PRKCSH: variants seen among roughly 807,000 people sequenced by gnomAD.
PRKCSH encodes glucosidase 2 subunit beta.
Under a neutral mutation model 79.7 loss-of-function variants are expected in PRKCSH, and 42 were observed. The observed-to-expected ratio is 0.53, with a 90% confidence interval of 0.41 to 0.68. The LOEUF is 0.68. PRKCSH is among the 30% of genes least tolerant of loss of function. The pLI, the probability that PRKCSH is intolerant of heterozygous loss-of-function variation, is 0.00. For missense variants in PRKCSH, 686 were observed against 709.0 expected, an observed-to-expected ratio of 0.97 and a Z score of 0.37; for synonymous variants, 325 against 288.2, an observed-to-expected ratio of 1.13 and a Z score of -1.29.
intron 7 of PRKCSH, among the ~76,000 whole-genome samples, chr19:11,443,141 G>A (rs914139323): frequency 2.6e-5 from 4 of 152,144 alleles, no homozygotes; most frequent in Non-Finnish European, 4.4e-5. Context: ...GGCTGGGCAT[G>A]GTGGCTCACG....
Position 11,448,167 on chromosome 19 carries a change from C to T in PRKCSH, c.1127-55C>T, listed in dbSNP as rs1970410457. The T allele has an allele frequency of 4.6e-6, 7 of 1,513,672 alleles. No individual in the cohort carries two copies. Among genetic ancestry groups the T allele is most frequent in the African/African-American group, 1.4e-5 (1 of 72,324 alleles). The allele number at this position is 1,513,672 out of a possible 1,614,324, so 93.8% of individuals were successfully genotyped here. ...ACAGCCACATCCATGGAACCCCGTT[C>T]CCCATCCTCCTGGATGGGGTTGAGG... On this transcript the variant is annotated intron_variant, in intron 12 of 17. Transcript: ENST00000677123. The surrounding 1 kb of genome is among the most constrained non-coding windows in gnomAD (Gnocchi z 4.4).
intron 7 of PRKCSH, among the ~76,000 whole-genome samples, chr19:11,442,727 C>A (rs1286457615): frequency 6.6e-6 from 1 of 152,110 alleles, no homozygotes; most frequent in African/African-American, 2.4e-5. Context: ...TTTGAAACAG[C>A]GTCTCCCTCT....
intron 7 of PRKCSH, among the ~76,000 whole-genome samples, chr19:11,444,316 CCAG>C (rs1468850400): frequency 3.3e-5 from 5 of 152,102 alleles, no homozygotes; most frequent in Admixed American, 3.3e-4. Flanking sequence ...ATGTTTTGAC[CCAG>C]ATTCCCAAAG....
chr19:11,437,677 G>T (rs1969839893), intron 3 of PRKCSH, among the ~76,000 whole-genome samples, 199 bp from the exon 4 acceptor site: 1 of 152,224 alleles, frequency 6.6e-6, no homozygotes, highest in Non-Finnish European at 1.5e-5. Context: ...AAGGGCCTCA[G>T]TGAGAAGAGG....
rs775931511 is a variant in PRKCSH at position 11,449,281 on chromosome 19, G to A, written c.1477G>A (p.Gly493Arg). ...CCATCCCCAGGTGCGCCTCCTGTGC[G>A]GGAAAGAGACCATGGTGACCAGCAC... ...NRSTTVRLLC[G>R]KETMVTSTTE... The change falls in exon 17 of 18, where the codon GGG becomes AGG. Residue 493 changes from glycine to arginine, a missense_variant. This residue lies in a region of PRKCSH where 137 missense variants were observed against 188.8 expected (regional missense o/e 0.73). Transcript: ENST00000677123. The surrounding 1 kb of genome is among the most constrained non-coding windows in gnomAD (Gnocchi z 6.4). 7 of 1,613,722 alleles carry A rather than the reference G, an allele frequency of 4.3e-6. No homozygotes were observed. Among genetic ancestry groups the A allele is most frequent in the Non-Finnish European group, 5.1e-6 (6 of 1,179,956 alleles).
chr19:11,447,725 G>T lies in PRKCSH; in HGVS notation c.1062G>T (p.Pro354=), dbSNP rs1247151416. 13 of 1,592,700 alleles carry T rather than the reference G, an allele frequency of 8.2e-6. No homozygotes were observed. The highest frequency in any genetic ancestry group is 1.0e-5 in the Non-Finnish European group (12 of 1,169,608). The part of the protein sequence containing the change: ...EAPPPLSPPQ[P]ASPAEEDKMP... ...CACCGCCACTGTCACCCCCGCAGCC[G>T]GCCAGCCCTGCTGAGGAAGACAAAA... Residue 354 remains proline, a synonymous_variant, in exon 12 of 18, where the codon CCG becomes CCT. Transcript: ENST00000677123. The surrounding 1 kb of genome is among the most constrained non-coding windows in gnomAD (Gnocchi z 5.6).
intron 7 of PRKCSH, 41 bp downstream of exon 7, chr19:11,442,556 T>G (rs1970111763): frequency 3.1e-6 from 5 of 1,601,550 alleles, no homozygotes; most frequent in Non-Finnish European, 4.3e-6. Context: ...CAGTCCTGGG[T>G]GGGAGCAGGT....
rs377661557 is a variant in PRKCSH, at chr19:11,437,862, C to T, written c.197-14C>T. ...AGCTGACTCCGAAAACCTTCCCTCC[C>T]TTCTTCCTCACAGGCACGGCTGCCT... On this transcript the variant is annotated splice_polypyrimidine_tract_variant and intron_variant, in intron 3 of 17. Transcript: ENST00000677123. 2 of 1,613,326 alleles carry T rather than the reference C, an allele frequency of 1.2e-6. No homozygotes were observed. The highest frequency in any genetic ancestry group is 2.2e-5 in the East Asian group (1 of 44,896).
chr19:11,449,758 C>T lies in PRKCSH; in HGVS notation c.*16+330C>T. 1 of 352,998 alleles carries T rather than the reference C, an allele frequency of 2.8e-6. No homozygotes were observed. Among genetic ancestry groups the T allele is most frequent in the Non-Finnish European group, 5.4e-6 (1 of 183,670 alleles). 21.9% of individuals were successfully genotyped at this position (352,998 alleles called of 1,614,324 possible). A position where few individuals can be genotyped will look rare whatever the true frequency, so the allele number is the denominator to read the frequency against. Reference sequence around the variant, plus strand: ...CCATGTTGGCCTGGATGGTCTCGAACTCCTGACCTCAGATGATCCACCTGC... The same window carrying T: ...CCATGTTGGCCTGGATGGTCTCGAATTCCTGACCTCAGATGATCCACCTGC... On this transcript the variant is annotated intron_variant, in intron 17 of 17. Transcript: ENST00000677123. The surrounding 1 kb of genome is among the most constrained non-coding windows in gnomAD (Gnocchi z 6.4).
Position 11,439,617 on chromosome 19 carries a change from T to C in PRKCSH, c.350+1493T>C, listed in dbSNP as rs1400018312. Among the ~76,000 whole-genome samples, 10 of 131,394 alleles carry C rather than the reference T, an allele frequency of 7.6e-5. 1 individual carries two copies. The highest frequency in any genetic ancestry group is 1.1e-4 in the Non-Finnish European group (7 of 61,242). The allele number at this position is 131,394 out of a possible 152,430, so 86.2% of individuals were successfully genotyped here. Reference sequence around the variant, plus strand: ...AAATTTTTCTTTTCTTTTTTTTTTTTTTTTTTTTTTTTTTTGTGAGACAGA... The same window carrying C: ...AAATTTTTCTTTTCTTTTTTTTTTTCTTTTTTTTTTTTTTTGTGAGACAGA... On this transcript the variant is annotated intron_variant, in intron 5 of 17. Coordinates refer to ENST00000677123, the MANE Select transcript of PRKCSH (RefSeq NM_001289104.2).
intron 5 of PRKCSH, 110 bp from the exon 6 acceptor site, chr19:11,441,130 C>T: frequency 9.4e-7 from 1 of 1,065,956 alleles, no homozygotes; most frequent in Non-Finnish European, 1.5e-6. Flanking sequence ...CTCATCTTTC[C>T]CAGCATGGCT....
chr19:11,445,885 CAGGTGCCA>C, intron 8 of PRKCSH: 2 of 423,690 alleles, frequency 4.7e-6, no homozygotes, highest in South Asian at 4.8e-5. Flanking sequence ...TAGGAGATGT[CAGGTGCCA>C]AGGAGCAGGG....
At position 11,449,831 on chromosome 19, in the gene PRKCSH, G is replaced by C. The variant is rs1001564064; in HGVS notation, c.*16+403G>C. The stretch of plus-strand genomic sequence containing the variant: ...ATTACAGGCATGAGCCACCACACCC[G>C]GCCATCTCCTGCCTTTTTTTTTTTG... On this transcript the variant is annotated intron_variant, in intron 17 of 17. Transcript: ENST00000677123. This position sits in a 1 kb window ranked among gnomAD's most constrained non-coding sequence, Gnocchi z 6.4. 2 of 227,294 alleles carry C rather than the reference G, an allele frequency of 8.8e-6. No individual in the cohort carries two copies. Among genetic ancestry groups the C allele is most frequent in the East Asian group, 2.2e-4 (2 of 9,116 alleles). 14.1% of individuals were successfully genotyped at this position (227,294 alleles called of 1,614,324 possible). A position where few individuals can be genotyped will look rare whatever the true frequency, so the allele number is the denominator to read the frequency against.
intron 5 of PRKCSH, among the ~76,000 whole-genome samples, chr19:11,440,776 T>C (rs75283182): frequency 1.3e-5 from 2 of 152,086 alleles, no homozygotes; most frequent in Non-Finnish European, 2.9e-5. Flanking sequence ...AGTAACCAGA[T>C]TGTCTTTTTG....
At chr19:11,445,257 C>T (rs973803138) in intron 7 of PRKCSH, 132 bp from the exon 8 acceptor site, 5 of 784,502 alleles carry the variant, frequency 6.4e-6, no homozygotes, top group Non-Finnish European at 1.1e-5. Context: ...GTCTCCTCCA[C>T]AGTCGTGTCC....
chr19:11,443,934 G>C (rs1385095920), intron 7 of PRKCSH, among the ~76,000 whole-genome samples: 1 of 152,000 alleles, frequency 6.6e-6, no homozygotes, highest in East Asian at 1.9e-4. Flanking sequence ...TGCCACCACA[G>C]CCGGCTAATT....
chr19:11,445,834 G>A (rs1970270872), intron 8 of PRKCSH: 1 of 452,478 alleles, frequency 2.2e-6, no homozygotes, highest in East Asian at 4.5e-5. Context: ...GTTACCTGGT[G>A]GAGGGTGGAC....
chr19:11,447,148 G>A lies in PRKCSH; in HGVS notation c.837G>A (p.Lys279=), dbSNP rs1171831739. The change falls in exon 10 of 18, where the codon AAG becomes AAA. Residue 279 remains lysine, a synonymous_variant. Transcript: ENST00000677123. This position sits in a 1 kb window ranked among gnomAD's most constrained non-coding sequence, Gnocchi z 5.6. ...YDRVWAAIRD[K]YRSEALPTDL... is the part of the protein sequence containing the mutation. ...GCGTCTGGGCCGCCATCAGGGACAA[G>A]TACCGGTCCGAGGTCAGTGGAGGAG... The A allele has an allele frequency of 1.9e-6, 3 of 1,613,950 alleles. No individual in the cohort carries two copies. The highest frequency in any genetic ancestry group is 3.3e-5 in the Admixed American group (2 of 60,024).
In PRKCSH at chr19:11,446,299, C is replaced by T. The variant is rs759082508; in HGVS notation, c.711C>T (p.His237=). The T allele has an allele frequency of 7.4e-6, 12 of 1,613,812 alleles. No homozygotes were observed. Among genetic ancestry groups the T allele is most frequent in the South Asian group, 1.1e-5 (1 of 91,074 alleles). ...TCTCGGTGACTGAGCTGCAGACTCA[C>T]CCGGAGCTGGACACAGATGGGGATG... The part of the protein sequence containing the change: ...GTVSVTELQT[H]PELDTDGDGA... The change falls in exon 9 of 18, where the codon CAC becomes CAT. Residue 237 remains histidine (H), a synonymous_variant. Coordinates refer to ENST00000677123, the MANE Select transcript of PRKCSH (RefSeq NM_001289104.2).
Sources: allele counts gnomAD v4.1 joint callset (sites outside exome capture counted in the v4.1 genomes callset), GRCh38; gene constraint gnomAD v4.1.1; regional missense constraint gnomAD v4.1.1; non-coding constraint Gnocchi (gnomAD v3.1); transcripts MANE v1.5; gene names NCBI Gene and HGNC (gene_info 2026-07-23, HGNC 2026-07-21).